Variants in ADAMTS20 observed in about 807,000 individuals in gnomAD.
ADAMTS20 encodes the protein ADAM metallopeptidase with thrombospondin type 1 motif 20, also known as A disintegrin and metalloproteinase with thrombospondin motifs 20.
Under a neutral mutation model 260.1 loss-of-function variants are expected in ADAMTS20, and 225 were observed. The ratio of observed to expected loss-of-function variants is 0.87; its 90% CI spans 0.78 to 0.97. ADAMTS20 has a LOEUF of 0.97. Ranked by LOEUF, ADAMTS20 falls within the 50% of genes least tolerant of loss-of-function variation. The probability of loss-of-function intolerance (pLI) is 0.00; values close to 1 mark genes in which losing one functional copy is unlikely to be tolerated. For synonymous variants in ADAMTS20, 802 were observed against 769.5 expected (o/e 1.04, Z -0.70); for missense variants, 2,400 against 2,337.7 (o/e 1.03, Z -0.55).
At chr12:43,539,313 G>A (rs914774074) in intron 2 of ADAMTS20, among the ~76,000 whole-genome samples, 21 of 152,102 alleles carry the variant, frequency 1.4e-4, no homozygotes, top group African/African-American at 2.4e-5. Flanking sequence ...TTATATGACG[G>A]TTTTCTTTCA....
At chr12:43,456,469 T>C (rs978808695) in intron 11 of ADAMTS20, among the ~76,000 whole-genome samples, 2 of 152,160 alleles carry the variant, frequency 1.3e-5, no homozygotes, top group African/African-American at 4.8e-5. Flanking sequence ...GTCTATTCTC[T>C]CATAACCCCG....
intron 28 of ADAMTS20, among the ~76,000 whole-genome samples, chr12:43,403,607 G>T (rs553514268): frequency 3.9e-5 from 6 of 152,076 alleles, no homozygotes; most frequent in South Asian, 2.1e-4. Flanking sequence ...ATACATCTCT[G>T]GGTAAAGGTA....
chr12:43,364,724 G>A (rs1422951103), intron 37 of ADAMTS20, among the ~76,000 whole-genome samples: 2 of 151,612 alleles, frequency 1.3e-5, no homozygotes, highest in Admixed American at 1.3e-4. Flanking sequence ...AGGAATGAAC[G>A]CACACCATTA....
At chr12:43,389,453 T>C (rs1344400651) in intron 29 of ADAMTS20, among the ~76,000 whole-genome samples, 48 of 152,296 alleles carry the variant, frequency 3.2e-4, no homozygotes, top group Admixed American at 2.9e-3. Flanking sequence ...AGAATAATCT[T>C]TGATGCAATG....
At chr12:43,512,734 T>C (rs1473831617) in intron 3 of ADAMTS20, among the ~76,000 whole-genome samples, 1 of 152,194 alleles carries the variant, frequency 6.6e-6, no homozygotes, top group Non-Finnish European at 1.5e-5. Flanking sequence ...AATCACTTAC[T>C]ATTATTGTGT....
chr12:43,442,203 T>A (rs1405862370), intron 16 of ADAMTS20, among the ~76,000 whole-genome samples: 1 of 152,116 alleles, frequency 6.6e-6, no homozygotes, highest in Non-Finnish European at 1.5e-5. Flanking sequence ...TAGACTTTGA[T>A]ATTTCCGTTT....
At chr12:43,532,274 G>C in intron 2 of ADAMTS20, 79 bp from the exon 3 acceptor site, 2 of 1,307,980 alleles carry the variant, frequency 1.5e-6, no homozygotes, top group South Asian at 3.0e-5. Flanking sequence ...CAGGTTAAAT[G>C]AGCAGACAGA....
intron 28 of ADAMTS20, chr12:43,423,406 T>C (rs1163424575): frequency 2.6e-5 from 7 of 272,086 alleles, no homozygotes; most frequent in Non-Finnish European, 4.2e-5. Context: ...CAATATCTAA[T>C]ATAAAGCATG....
intron 28 of ADAMTS20, among the ~76,000 whole-genome samples, chr12:43,403,083 T>C (rs73083521): frequency 0.057 from 8,638 of 152,194 alleles, 268 homozygotes; most frequent in East Asian, 0.099. Context: ...GTTGTTCTAG[T>C]TGGCTGGTAC....
chr12:43,434,883 C>T (rs1396980466), intron 18 of ADAMTS20, among the ~76,000 whole-genome samples: 1 of 152,128 alleles, frequency 6.6e-6, no homozygotes, highest in East Asian at 1.9e-4. Context: ...TCCAGTCCCA[C>T]CCAGCTCTCT....
intron 27 of ADAMTS20, 95 bp downstream of exon 27, chr12:43,427,213 A>G (rs1175633650): frequency 1.5e-6 from 2 of 1,374,730 alleles, no homozygotes; most frequent in East Asian, 2.4e-5. Context: ...TACATAGTAT[A>G]GTGAAATCAG....
chr12:43,525,639 C>T (rs1943131205), intron 3 of ADAMTS20, among the ~76,000 whole-genome samples: 3 of 152,088 alleles, frequency 2.0e-5, no homozygotes, highest in African/African-American at 7.2e-5. Flanking sequence ...ACTCACCTAA[C>T]ACAAGGATTC....
intron 3 of ADAMTS20, among the ~76,000 whole-genome samples, chr12:43,507,818 G>A (rs972481803): frequency 8.5e-5 from 13 of 152,142 alleles, no homozygotes; most frequent in African/African-American, 3.1e-4. Context: ...CCATAAAAAG[G>A]AACGAGGTAT....
At chr12:43,506,772 C>T (rs1253366881) in intron 3 of ADAMTS20, among the ~76,000 whole-genome samples, 2 of 143,542 alleles carry the variant, frequency 1.4e-5, no homozygotes, top group Non-Finnish European at 3.0e-5. Flanking sequence ...GCCACCGTGC[C>T]TGGCCACCTT....
intron 14 of ADAMTS20, among the ~76,000 whole-genome samples, chr12:43,447,328 T>G (rs1161478003): frequency 1.3e-5 from 2 of 152,070 alleles, no homozygotes; most frequent in African/African-American, 2.4e-5. Context: ...GGGTGCAAAT[T>G]TGGTTCAACA....
rs1322873159 is a variant in ADAMTS20, at chr12:43,436,500, T to TA, written c.2594-2130_2594-2129insT. On this transcript the variant is annotated intron_variant, in intron 18 of 38. Transcript: ENST00000389420. ...AGCCCCAAATATTTAAAATATGATT[T>TA]GAACATATCAATATAAAATTATTAA... 4.5e-5 allele frequency among the ~76,000 whole-genome samples: 6 copies of TA among 134,552 alleles called. No individual in the cohort carries two copies. In the East Asian group the frequency reaches 1.1e-3, roughly 25 times the overall value. The allele number at this position is 134,552 out of a possible 152,430, so 88.3% of individuals were successfully genotyped here. A position where few individuals can be genotyped will look rare whatever the true frequency, so the allele number is the denominator to read the frequency against.
intron 3 of ADAMTS20, among the ~76,000 whole-genome samples, chr12:43,515,703 T>G (rs1942991048): frequency 6.6e-6 from 1 of 152,170 alleles, no homozygotes; most frequent in South Asian, 2.1e-4. Context: ...AAACAAAAAT[T>G]CTATGTGATA....
At chr12:43,454,892 A>G (rs1454868577) in intron 11 of ADAMTS20, among the ~76,000 whole-genome samples, 1 of 152,198 alleles carries the variant, frequency 6.6e-6, no homozygotes, top group Non-Finnish European at 1.5e-5. Context: ...GTTTATTTTT[A>G]ATTGTGGCAA....
intron 28 of ADAMTS20, among the ~76,000 whole-genome samples, chr12:43,403,184 T>C (rs967466722): frequency 6.6e-6 from 1 of 152,144 alleles, no homozygotes; most frequent in African/African-American, 2.4e-5. Flanking sequence ...AGAGAAAAGC[T>C]GTACATAATT....
Sources: allele counts gnomAD v4.1 joint callset (sites outside exome capture counted in the v4.1 genomes callset), GRCh38; gene constraint gnomAD v4.1.1; transcripts MANE v1.5; gene names NCBI Gene and HGNC (gene_info 2026-07-23, HGNC 2026-07-21).